Variants in STON1 observed in about 807,000 individuals in gnomAD.
STON1 encodes the protein stonin-1.
Under a neutral mutation model 60.9 loss-of-function variants are expected in STON1, and 79 were observed. The ratio of observed to expected loss-of-function variants is 1.30; its 90% confidence interval spans 1.08 to 1.56. The LOEUF (loss-of-function observed/expected upper bound fraction) is 1.56. Among genes scored for constraint, STON1 ranks in the 40% most tolerant of loss-of-function variants. The pLI is 0.00. For missense variants in STON1, 1,166 were observed against 858.9 expected, an observed-to-expected ratio of 1.36 and a Z score of -4.47; for synonymous variants, 363 against 306.9, an observed-to-expected ratio of 1.18 and a Z score of -1.91.
chr2:48,577,620 T>G (rs906689013), intron 1 of STON1, among the ~76,000 whole-genome samples: 3 of 151,854 alleles, frequency 2.0e-5, no homozygotes, highest in African/African-American at 7.2e-5. Flanking sequence ...TTTTTGTTTG[T>G]TTGTTTTTTG....
At chr2:48,534,162 C>G (rs1181128471) in intron 1 of STON1, among the ~76,000 whole-genome samples, 1 of 152,150 alleles carries the variant, frequency 6.6e-6, no homozygotes, top group African/African-American at 2.4e-5. Context: ...TTATGTGCAT[C>G]AAAATGGATG....
chr2:48,587,134 C>G (rs1373608814), intron 2 of STON1, among the ~76,000 whole-genome samples: 1 of 152,194 alleles, frequency 6.6e-6, no homozygotes, highest in Non-Finnish European at 1.5e-5. Context: ...TAATCGGGCT[C>G]TATGAAGATG....
chr2:48,553,930 A>C (rs1323570417), intron 1 of STON1, among the ~76,000 whole-genome samples: 1 of 152,076 alleles, frequency 6.6e-6, no homozygotes, highest in Admixed American at 6.5e-5. Context: ...TACTGGCTTC[A>C]TGGTTCCCAG....
chr2:48,594,612 G>T (rs1055423268), intron 3 of STON1, among the ~76,000 whole-genome samples: 7 of 152,020 alleles, frequency 4.6e-5, no homozygotes, highest in Non-Finnish European at 1.0e-4. Flanking sequence ...TTCCAAGAAG[G>T]TAATAAAATA....
chr2:48,557,085 C>T (rs1259095881), intron 1 of STON1, among the ~76,000 whole-genome samples: 1 of 105,070 alleles, frequency 9.5e-6, no homozygotes, highest in Admixed American at 9.2e-5. Context: ...CCCCCCCCCA[C>T]CTCCCTCCCG....
At chr2:48,545,231 A>G (rs182914703) in intron 1 of STON1, among the ~76,000 whole-genome samples, 2 of 152,354 alleles carry the variant, frequency 1.3e-5, no homozygotes, top group Non-Finnish European at 2.9e-5. Flanking sequence ...TGTTTTAGGC[A>G]TCTGACATCA....
chr2:48,564,479 CTTTCTTCTTCTTCTTCTT>C (rs1558604755), intron 1 of STON1, among the ~76,000 whole-genome samples: 5 of 25,176 alleles, frequency 2.0e-4, no homozygotes, highest in African/African-American at 5.8e-4. Context: ...TCTTCTTCTT[CTTTCTTCTTCTTCTTCTT>C]CTTCTTCTTC....
At chr2:48,533,411 A>C (rs1418286856) in intron 1 of STON1, among the ~76,000 whole-genome samples, 1 of 151,950 alleles carries the variant, frequency 6.6e-6, no homozygotes. Flanking sequence ...GATGTAGGCC[A>C]GGTTCAGTGG....
At chr2:48,537,945 T>C (rs1308403186) in intron 1 of STON1, among the ~76,000 whole-genome samples, 1 of 151,770 alleles carries the variant, frequency 6.6e-6, no homozygotes, top group Non-Finnish European at 1.5e-5. Flanking sequence ...TAATCATAAG[T>C]ATATGTCTTT....
At chr2:48,563,768 A>G (rs1374879449) in intron 1 of STON1, among the ~76,000 whole-genome samples, 1 of 151,892 alleles carries the variant, frequency 6.6e-6, no homozygotes, top group Non-Finnish European at 1.5e-5. Flanking sequence ...ATTTCGGCTC[A>G]ATGCAGCGTC....
Position 48,591,727 on chromosome 2 carries a change from C to A in STON1, c.2005C>A (p.Pro669Thr), listed in dbSNP as rs1279827497. The A allele has an allele frequency of 1.2e-6, 2 of 1,613,984 alleles. No homozygotes were observed. The highest frequency in any genetic ancestry group is 4.5e-5 in the East Asian group (2 of 44,886). The change falls in exon 3 of 4, where the codon CCA (proline) becomes ACA (threonine). Residue 669 changes from proline to threonine, a missense_variant. By Grantham distance (38) the Pro-to-Thr change is conservative (BLOSUM62 -1). Coordinates refer to ENST00000404752, the MANE Select transcript of STON1 (RefSeq NM_006873.4). ...CCAAGAAATTCCCTCTGATTGGTATCCATTTGCTACTGTTCAGTTTTCCGT... is the reference window on the plus strand; with the variant it reads ...CCAAGAAATTCCCTCTGATTGGTATACATTTGCTACTGTTCAGTTTTCCGT... The part of the protein sequence containing the change: ...SDQEIPSDWY[P>T]FATVQFSVPD...
chr2:48,591,588 A>C (rs1449595370), intron 2 of STON1, 65 bp from the exon 3 acceptor site: 8 of 1,575,186 alleles, frequency 5.1e-6, no homozygotes, highest in Non-Finnish European at 6.0e-6. Flanking sequence ...AGTGCCTTTT[A>C]TGTTCAAGAG....
intron 2 of STON1, among the ~76,000 whole-genome samples, chr2:48,585,392 C>T (rs1414220940): frequency 6.6e-6 from 1 of 152,000 alleles, no homozygotes; most frequent in East Asian, 1.9e-4. Flanking sequence ...GGATTACAGG[C>T]CCGCACCACC....
intron 3 of STON1, among the ~76,000 whole-genome samples, chr2:48,594,546 C>G (rs75688632): frequency 6.6e-6 from 1 of 151,566 alleles, no homozygotes; most frequent in Non-Finnish European, 1.5e-5. Context: ...TGGGGGTAAA[C>G]GAAAAATAGT....
At chr2:48,561,150 A>C (rs979780634) in intron 1 of STON1, among the ~76,000 whole-genome samples, 1 of 152,166 alleles carries the variant, frequency 6.6e-6, no homozygotes, top group African/African-American at 2.4e-5. Context: ...CTCTCTGGAT[A>C]CTGCCTCTTG....
intron 1 of STON1, among the ~76,000 whole-genome samples, chr2:48,561,717 T>A (rs1287088036): frequency 6.6e-6 from 1 of 152,214 alleles, no homozygotes; most frequent in Non-Finnish European, 1.5e-5. Context: ...GCCAAATGTT[T>A]CCTGGGGAGT....
chr2:48,532,511 T>C (rs921840296), intron 1 of STON1, among the ~76,000 whole-genome samples: 1 of 151,670 alleles, frequency 6.6e-6, no homozygotes, highest in Admixed American at 6.6e-5. Flanking sequence ...AGAAAAACAA[T>C]GTACTGTGCT....
Position 48,595,696 on chromosome 2 carries a change from A to T in STON1, c.*394A>T. 1 of 207,426 alleles carries T rather than the reference A, an allele frequency of 4.8e-6. No homozygotes were observed. The highest frequency in any genetic ancestry group is 8.6e-5 in the South Asian group (1 of 11,684). 12.8% of individuals were successfully genotyped at this position (207,426 alleles called of 1,614,324 possible). ...CTTCTTGCTGCTTAGTGTCTGTACT[A>T]GAGGGTAAGGGAATCAAAGGAGACA... On this transcript the variant is annotated 3_prime_UTR_variant, in exon 4 of 4. Transcript: ENST00000404752.
In STON1 at chr2:48,536,366, G is replaced by C. The variant is rs143917538; in HGVS notation, c.-48+6150G>C. Among the ~76,000 whole-genome samples, 960 of 151,974 alleles carry C rather than the reference G, an allele frequency of 6.3e-3. 10 individuals carry two copies. The highest frequency in any genetic ancestry group is 0.022 in the African/African-American group (907 of 41,456). ...AGTTCGAGACCAGCCTGGCCAACAT[G>C]GTAAAACCCCATCTTTACTAAAAAT... On this transcript the variant is annotated intron_variant, in intron 1 of 3. Transcript: ENST00000404752.
Sources: allele counts gnomAD v4.1 joint callset (sites outside exome capture counted in the v4.1 genomes callset), GRCh38; gene constraint gnomAD v4.1.1; transcripts MANE v1.5; gene names NCBI Gene and HGNC (gene_info 2026-07-23, HGNC 2026-07-21).